WDR12: variants seen among roughly 807,000 people sequenced by gnomAD.
WDR12 encodes WD repeat domain 12.
WDR12 carries 42 observed loss-of-function variants against 64.3 expected under a neutral mutation model. That is an observed-to-expected ratio of 0.65 (90% confidence interval 0.51 to 0.84). The LOEUF (loss-of-function observed/expected upper bound fraction) is 0.84, where lower values mean the gene tolerates loss of function less well. Ranked by LOEUF, WDR12 falls within the 40% of genes least tolerant of loss-of-function variation. The probability of loss-of-function intolerance (pLI) is 0.00; values close to 1 mark genes in which losing one functional copy is unlikely to be tolerated. For missense variants in WDR12, 469 were observed against 494.6 expected (o/e 0.95, Z 0.49); for synonymous variants, 158 against 173.3 (o/e 0.91, Z 0.70).
Position 202,896,258 on chromosome 2 carries a change from T to C in WDR12, c.455-39A>G, listed in dbSNP as rs375928494. On this transcript the variant is annotated intron_variant, in intron 5 of 12. Transcript: ENST00000261015. ...AACACAAGAATAAGAAACAAATCAG[T>C]ATACCATTTAGAATACATCATGTTC... The C allele has an allele frequency of 2.5e-6, 4 of 1,593,562 alleles. No individual in the cohort carries two copies. In the African/African-American group the frequency reaches 5.4e-5, roughly 22 times the overall value.
At chr2:202,891,973 T>C (rs1688164091) in intron 8 of WDR12, among the ~76,000 whole-genome samples, 10 of 152,178 alleles carry the variant, frequency 6.6e-5, no homozygotes, top group Admixed American at 6.5e-4. Flanking sequence ...ATGAACAAGT[T>C]CTGGGGATCT....
chr2:202,909,726 C>T (rs1688532299), intron 1 of WDR12, among the ~76,000 whole-genome samples: 1 of 151,592 alleles, frequency 6.6e-6, no homozygotes, highest in African/African-American at 2.4e-5. Context: ...TATATTAGCC[C>T]CCCGCCTCCA....
Position 202,892,701 on chromosome 2 carries a change from G to A in WDR12, c.657C>T (p.Val219=). 2.5e-6 allele frequency: 4 copies of A among 1,608,724 alleles called. No homozygotes were observed. Among genetic ancestry groups the A allele is most frequent in the Non-Finnish European group, 3.4e-6 (4 of 1,175,714 alleles). The change falls in exon 8 of 13, where the codon GTC becomes GTT. Residue 219 remains valine, a splice_region_variant and synonymous_variant. Transcript: ENST00000261015. ...CCATTTCATCTTCTTCATCTGTAGG[G>A]ACTGTGTCATAGAGAATTAGATTTG... ...WDKMLKIWST[V]PTDEEDEMEE...
intron 6 of WDR12, chr2:202,894,836 G>A: frequency 2.3e-6 from 1 of 433,374 alleles, no homozygotes; most frequent in Non-Finnish European, 4.1e-6. Flanking sequence ...TTTGAAGAAA[G>A]CCAATCTGAA....
At chr2:202,891,268 C>A (rs1688151961) in intron 8 of WDR12, among the ~76,000 whole-genome samples, 2 of 152,044 alleles carry the variant, frequency 1.3e-5, no homozygotes, top group South Asian at 4.2e-4. Flanking sequence ...GCCTCCTGGG[C>A]TGGGCGTAGC....
intron 8 of WDR12, 43 bp downstream of exon 8, chr2:202,892,574 C>G: frequency 1.4e-6 from 2 of 1,406,816 alleles, no homozygotes; most frequent in African/African-American, 2.8e-5. Context: ...TATTTGTCAA[C>G]ACAGGCCTAA....
chr2:202,897,908 A>AAAAATATATATAT (rs1466552102), intron 4 of WDR12, among the ~76,000 whole-genome samples: 2 of 40,054 alleles, frequency 5.0e-5, no homozygotes, highest in Admixed American at 4.5e-4. Flanking sequence ...AAAAAAAAAA[A>AAAAATATATATAT]ATATATATAT....
chr2:202,911,108 AAT>A (rs527391353), intron 1 of WDR12, among the ~76,000 whole-genome samples: 133 of 152,326 alleles, frequency 8.7e-4, no homozygotes, highest in African/African-American at 2.8e-3. Flanking sequence ...ATAAATGGTA[AAT>A]ATGTTTTTTC....
At position 202,884,210 on chromosome 2, in the gene WDR12, G is replaced by C. The variant is rs749587828; in HGVS notation, c.976C>G (p.Pro326Ala). Residue 326 changes from proline to alanine, a missense_variant, in exon 10 of 13, where the codon CCC (proline) becomes GCC (alanine). Transcript: ENST00000261015. ...TTACATGACTCACCTTTAGTTCGGG[G>C]ATCCCACAGTCTGATATGCCTATCT... is the stretch of plus-strand genomic sequence containing the variant. ...STDRHIRLWD[P>A]RTKDGSLVSL... 10 of 1,612,674 alleles carry C rather than the reference G, an allele frequency of 6.2e-6. No individual in the cohort carries two copies. The East Asian group carries it at 2.0e-4, about 32-fold the overall frequency.
At chr2:202,896,004 T>A in intron 6 of WDR12, 61 bp downstream of exon 6, 1 of 1,564,756 alleles carries the variant, frequency 6.4e-7, no homozygotes, top group Non-Finnish European at 8.7e-7. Context: ...CAGAAGAAAA[T>A]GTTTAGCAAC....
At chr2:202,910,098 G>T (rs1436280432) in intron 1 of WDR12, among the ~76,000 whole-genome samples, 1 of 152,126 alleles carries the variant, frequency 6.6e-6, no homozygotes, top group African/African-American at 2.4e-5. Flanking sequence ...ACTCGGCAAA[G>T]AATTTTAATT....
Position 202,880,790 on chromosome 2 carries a change from A to G in WDR12, c.*70T>C. 1 of 1,396,278 alleles carries G rather than the reference A, an allele frequency of 7.2e-7. No homozygotes were observed. The highest frequency in any genetic ancestry group is 9.9e-7 in the Non-Finnish European group (1 of 1,011,284). 86.5% of individuals were successfully genotyped at this position (1,396,278 alleles called of 1,614,324 possible). On this transcript the variant is annotated 3_prime_UTR_variant, in exon 13 of 13. Coordinates refer to ENST00000261015, the MANE Select transcript of WDR12 (RefSeq NM_018256.4). The stretch of plus-strand genomic sequence containing the variant: ...AAGGCTGCTTTCTGCATCTGCATCT[A>G]TGTAATTTCATGGTTCTCTACCAAT...
Position 202,911,527 on chromosome 2 carries a change from C to A in WDR12, c.-51G>T. On this transcript the variant is annotated 5_prime_UTR_variant, in exon 1 of 13. Transcript: ENST00000261015. ...ACGGAAACGTACGGGTTAGCAGACCCACAACACGAAGCTCCTGCCTTTTAA... is the reference window on the plus strand; with the variant it reads ...ACGGAAACGTACGGGTTAGCAGACCAACAACACGAAGCTCCTGCCTTTTAA... The A allele has an allele frequency of 6.4e-7, 1 of 1,568,668 alleles. No homozygotes were observed. The highest frequency in any genetic ancestry group is 8.8e-7 in the Non-Finnish European group (1 of 1,138,638).
At chr2:202,892,105 G>A (rs959931050) in intron 8 of WDR12, among the ~76,000 whole-genome samples, 2 of 152,138 alleles carry the variant, frequency 1.3e-5, no homozygotes, top group Admixed American at 6.6e-5. Flanking sequence ...TATCAATTAA[G>A]TATTTTTAAA....
intron 5 of WDR12, among the ~76,000 whole-genome samples, chr2:202,896,880 G>T (rs1002049350): frequency 6.0e-5 from 9 of 151,046 alleles, no homozygotes; most frequent in Non-Finnish European, 1.2e-4. Flanking sequence ...CCAGCTACTC[G>T]AGAGGCTGAG....
At chr2:202,896,984 C>CAAAAACAAA (rs1238399718) in intron 5 of WDR12, among the ~76,000 whole-genome samples, 1 of 151,088 alleles carries the variant, frequency 6.6e-6, no homozygotes, top group Non-Finnish European at 1.5e-5. Context: ...GAGACTATCT[C>CAAAAACAAA]AAAAACAAAA....
At chr2:202,881,752 T>C (rs991741150) in intron 12 of WDR12, among the ~76,000 whole-genome samples, 1 of 151,742 alleles carries the variant, frequency 6.6e-6, no homozygotes, top group Non-Finnish European at 1.5e-5. Flanking sequence ...AAGATACACA[T>C]GGGGGCGGGA....
Position 202,883,741 on chromosome 2 carries a change from T to A in WDR12, c.989A>T (p.Asp330Val). ...HIRLWDPRTK[D>V]GSLVSLSLTS... Reference sequence around the variant, plus strand: ...TAGGGACAGCGACACCAAAGAACCATCTGAACAAAGCAAAAAAGACAAGCG... The same window carrying A: ...TAGGGACAGCGACACCAAAGAACCAACTGAACAAAGCAAAAAAGACAAGCG... Residue 330 changes from aspartate to valine, a missense_variant and splice_region_variant, in exon 11 of 13, where the codon GAT becomes GTT. Transcript: ENST00000261015. 2.2e-5 allele frequency: 36 copies of A among 1,612,542 alleles called. No individual in the cohort carries two copies. The highest frequency in any genetic ancestry group is 3.1e-5 in the Non-Finnish European group (36 of 1,179,654).
chr2:202,910,182 G>A (rs1308736551), intron 1 of WDR12, among the ~76,000 whole-genome samples: 8 of 152,070 alleles, frequency 5.3e-5, no homozygotes, highest in Admixed American at 2.0e-4. Flanking sequence ...CATTTCAGGG[G>A]TTAAAACACA....
Sources: allele counts gnomAD v4.1 joint callset (sites outside exome capture counted in the v4.1 genomes callset), GRCh38; gene constraint gnomAD v4.1.1; transcripts MANE v1.5; gene names NCBI Gene and HGNC (gene_info 2026-07-23, HGNC 2026-07-21).